Variants in EPB41L4A observed in about 807,000 individuals in gnomAD.
The protein encoded by EPB41L4A is band 4.1-like protein 4A.
In EPB41L4A, 100 loss-of-function variants were observed where a neutral mutation model predicts 108.6. The ratio of observed to expected loss-of-function variants is 0.92; its 90% CI spans 0.78 to 1.09. EPB41L4A has a LOEUF of 1.09. Among genes scored for constraint, EPB41L4A ranks in the 50% least tolerant of loss-of-function variants. The probability of loss-of-function intolerance (pLI) is 0.00; values close to 1 mark genes in which losing one functional copy is unlikely to be tolerated. For missense variants in EPB41L4A, 1,030 were observed against 842.7 expected (o/e 1.22, Z -2.75); for synonymous variants, 319 against 289.0 (o/e 1.10, Z -1.05).
intron 1 of EPB41L4A, among the ~76,000 whole-genome samples, chr5:112,385,914 A>G (rs1274326395): frequency 1.3e-5 from 2 of 152,202 alleles, no homozygotes; most frequent in Non-Finnish European, 2.9e-5. Flanking sequence ...AAACTAGGAC[A>G]TTACTCCTTT....
intron 9 of EPB41L4A, among the ~76,000 whole-genome samples, chr5:112,244,971 T>C (rs1750099971): frequency 6.6e-6 from 1 of 152,096 alleles, no homozygotes; most frequent in Admixed American, 6.6e-5. Context: ...TTGCAAGAAT[T>C]ACCAAAATGT....
At chr5:112,307,321 G>T (rs773628998) in intron 2 of EPB41L4A, 65 bp downstream of exon 2, 2 of 1,070,114 alleles carry the variant, frequency 1.9e-6, no homozygotes, top group Non-Finnish European at 1.4e-6. Context: ...AACCATATCA[G>T]GAAAAGCCAG....
At position 112,233,542 on chromosome 5, in the gene EPB41L4A, A is replaced by G. The variant is rs116283686; in HGVS notation, c.1087+1092T>C. Reference sequence around the variant, plus strand: ...AACCAACTGGATTCTGTACAAATGAAGCTCAAATTAAGTTACCTCAATAGT... The same window carrying G: ...AACCAACTGGATTCTGTACAAATGAGGCTCAAATTAAGTTACCTCAATAGT... On this transcript the variant is annotated intron_variant, in intron 12 of 22. Transcript: ENST00000261486. 5.7e-3 allele frequency among the ~76,000 whole-genome samples: 865 copies of G among 152,286 alleles called. 8 individuals are homozygous for G. Among genetic ancestry groups the G allele is most frequent in the African/African-American group, 0.02 (814 of 41,552 alleles).
At chr5:112,310,916 C>T (rs1755006987) in intron 1 of EPB41L4A, among the ~76,000 whole-genome samples, 1 of 152,066 alleles carries the variant, frequency 6.6e-6, no homozygotes, top group Non-Finnish European at 1.5e-5. Context: ...GAGTAGCTCC[C>T]AAGAGTAAGG....
At chr5:112,314,236 A>G (rs930321345) in intron 1 of EPB41L4A, among the ~76,000 whole-genome samples, 1 of 151,912 alleles carries the variant, frequency 6.6e-6, no homozygotes, top group Non-Finnish European at 1.5e-5. Flanking sequence ...ATTATATACC[A>G]ATGTGGAAGC....
chr5:112,186,567 CAT>C lies in EPB41L4A; in HGVS notation c.1503-2434_1503-2433del, dbSNP rs548361693. Among the ~76,000 whole-genome samples, 480 of 152,302 alleles carry C rather than the reference CAT, an allele frequency of 3.2e-3. 6 individuals carry two copies. The highest frequency in any genetic ancestry group is 0.01 in the Middle Eastern group (3 of 294). On this transcript the variant is annotated intron_variant, in intron 17 of 22. Coordinates refer to ENST00000261486, the MANE Select transcript of EPB41L4A (RefSeq NM_022140.5). ...TGTCAGTTAATATCCTTGTGATCCA[CAT>C]GTTTCAAAGACAGATGCCCTCTACT...
At chr5:112,312,816 T>G (rs1755134360) in intron 1 of EPB41L4A, among the ~76,000 whole-genome samples, 1 of 152,184 alleles carries the variant, frequency 6.6e-6, no homozygotes, top group Non-Finnish European at 1.5e-5. Flanking sequence ...TATGGGTACT[T>G]TGTAGAGACC....
At chr5:112,239,763 G>T in intron 10 of EPB41L4A, 26 bp from the exon 11 acceptor site, 1 of 1,543,332 alleles carries the variant, frequency 6.5e-7, no homozygotes, top group South Asian at 1.1e-5. Context: ...AAGAAAATCA[G>T]ACAAAGACTC....
At chr5:112,242,664 A>C (rs1186987735) in intron 9 of EPB41L4A, among the ~76,000 whole-genome samples, 2 of 152,206 alleles carry the variant, frequency 1.3e-5, no homozygotes, top group Admixed American at 1.3e-4. Context: ...GTTTGTCCAG[A>C]TCCATTAGAG....
At chr5:112,260,079 GATTTA>G (rs781657072) in intron 7 of EPB41L4A, 100 bp from the exon 8 acceptor site, 51 of 875,450 alleles carry the variant, frequency 5.8e-5, no homozygotes, top group Non-Finnish European at 8.2e-5. Context: ...ATTAATATTG[GATTTA>G]ATTTTTGAAA....
At chr5:112,327,221 A>C (rs1756228958) in intron 1 of EPB41L4A, among the ~76,000 whole-genome samples, 2 of 152,224 alleles carry the variant, frequency 1.3e-5, no homozygotes, top group South Asian at 4.1e-4. Context: ...ATTTCTCACT[A>C]GGATGATTAG....
intron 1 of EPB41L4A, among the ~76,000 whole-genome samples, chr5:112,308,555 AATTACTTTG>A (rs141855197): frequency 0.015 from 2,219 of 152,296 alleles, 26 homozygotes; most frequent in Non-Finnish European, 0.025. Context: ...TTTTCCTCTA[AATTACTTTG>A]ACTAACTTTA....
intron 1 of EPB41L4A, among the ~76,000 whole-genome samples, chr5:112,360,586 C>G (rs1036131737): frequency 3.9e-5 from 6 of 152,222 alleles, no homozygotes; most frequent in Non-Finnish European, 8.8e-5. Flanking sequence ...TCAATGTTGC[C>G]CAGGCTGGAG....
chr5:112,307,158 T>C (rs992360271), intron 2 of EPB41L4A, among the ~76,000 whole-genome samples: 2 of 152,188 alleles, frequency 1.3e-5, no homozygotes, highest in Non-Finnish European at 2.9e-5. Context: ...ACATATGCCA[T>C]CTGCAAAGAC....
intron 10 of EPB41L4A, among the ~76,000 whole-genome samples, chr5:112,240,491 AT>A (rs1366049922): frequency 6.6e-6 from 1 of 152,212 alleles, no homozygotes; most frequent in East Asian, 1.9e-4. Flanking sequence ...TTCTTGCAGT[AT>A]CAAAGATATA....
chr5:112,318,230 G>A lies in EPB41L4A; in HGVS notation c.100-10740C>T, dbSNP rs559096061. On this transcript the variant is annotated intron_variant, in intron 1 of 22. Transcript: ENST00000261486. ...TTTGATAGGAGTTCACAAAAATCCT[G>A]TCAGCAACAAAATAAAACCAAAAGA... Among the ~76,000 whole-genome samples, 113 of 152,112 alleles carry A rather than the reference G, an allele frequency of 7.4e-4. 1 individual carries two copies. The highest frequency in any genetic ancestry group is 2.3e-3 in the African/African-American group (95 of 41,500).
intron 19 of EPB41L4A, 133 bp from the exon 20 acceptor site, chr5:112,170,502 T>A: frequency 1.6e-6 from 1 of 633,398 alleles, no homozygotes; most frequent in Non-Finnish European, 2.7e-6. Context: ...TGAAAATTTA[T>A]AAAAACTAAA....
intron 9 of EPB41L4A, among the ~76,000 whole-genome samples, chr5:112,254,419 G>A (rs748531321): frequency 3.2e-4 from 48 of 152,092 alleles, no homozygotes; most frequent in Non-Finnish European, 6.5e-4. Flanking sequence ...CTGTGCTCAC[G>A]TCTGTGGCAT....
intron 2 of EPB41L4A, among the ~76,000 whole-genome samples, chr5:112,305,782 T>C (rs1292385444): frequency 6.6e-6 from 1 of 152,176 alleles, no homozygotes; most frequent in Non-Finnish European, 1.5e-5. Context: ...TTTCATGTCA[T>C]TTGCACACCT....
Sources: gnomAD v4.1 joint callset for allele counts (sites outside exome capture counted in the v4.1 genomes callset) on GRCh38, gnomAD v4.1.1 for gene constraint, MANE v1.5 for transcripts, NCBI Gene and HGNC (gene_info 2026-07-23, HGNC 2026-07-21) for gene names.